The following FBXO42 variants were observed in gnomAD, a reference collection of about 807,000 sequenced individuals.
FBXO42 encodes F-box only protein 42.
A neutral mutation model predicts 71.7 loss-of-function variants in FBXO42; 12 were observed. That is an observed-to-expected ratio of 0.17 (90% CI 0.11 to 0.27). The LOEUF (loss-of-function observed/expected upper bound fraction) is 0.27, where lower values mean the gene tolerates loss of function less well. Ranked by LOEUF, FBXO42 falls within the 10% of genes least tolerant of loss-of-function variation. The probability of loss-of-function intolerance (pLI) is 1.00; values close to 1 mark genes in which losing one functional copy is unlikely to be tolerated. For missense variants in FBXO42, 707 were observed against 911.9 expected, an observed-to-expected ratio of 0.78 and a Z score of 2.89; for synonymous variants, 325 against 327.5, an observed-to-expected ratio of 0.99 and a Z score of 0.08.
Position 16,305,826 on chromosome 1 carries a change from G to T in FBXO42, c.344C>A (p.Pro115Gln), listed in dbSNP as rs1227155121. 1 of 1,614,024 alleles carries T rather than the reference G, an allele frequency of 6.2e-7. No homozygotes were observed. The highest frequency in any genetic ancestry group is 8.5e-7 in the Non-Finnish European group (1 of 1,179,914). ...ESRTYPYPGT[P>Q]ITQRFSHSAC... The stretch of plus-strand genomic sequence containing the variant: ...ACTGTGCGAGAAGCGCTGAGTGATT[G>T]GGGTTCCAGGATAAGGATAGGTACG... The change falls in exon 3 of 10, where the codon CCA becomes CAA. Residue 115 changes from proline to glutamine, a missense_variant. Transcript: ENST00000375592.
Position 16,251,431 on chromosome 1 carries a change from G to C in FBXO42, c.1393C>G (p.Pro465Ala), listed in dbSNP as rs2081590578. 1 of 1,614,014 alleles carries C rather than the reference G, an allele frequency of 6.2e-7. No homozygotes were observed. The highest frequency in any genetic ancestry group is 1.3e-5 in the African/African-American group (1 of 74,926). Residue 465 changes from proline to alanine, a missense_variant, in exon 10 of 10, where the codon CCA becomes GCA. Around this residue, in one of 5 missense-constraint regions of FBXO42, gnomAD observed 482 missense variants for 587.1 expected, o/e 0.82. Coordinates refer to ENST00000375592, the MANE Select transcript of FBXO42 (RefSeq NM_018994.3). The surrounding 1 kb of genome is among the most constrained non-coding windows in gnomAD (Gnocchi z 4.5). ...SLDSPVQAIS[P>A]STPSAPEGYD... ...CCTTCAGGAGCAGATGGAGTACTTG[G>C]AGATATGGCCTGTACAGGACTGTCC... is the stretch of plus-strand genomic sequence containing the variant.
chr1:16,257,134 C>A (rs569282148), intron 4 of FBXO42, among the ~76,000 whole-genome samples: 25 of 152,272 alleles, frequency 1.6e-4, no homozygotes, highest in African/African-American at 5.5e-4. Flanking sequence ...ATGAGCACCC[C>A]TTCCCATCCC....
intron 6 of FBXO42, among the ~76,000 whole-genome samples, chr1:16,254,888 T>G (rs1351356903): frequency 1.3e-5 from 2 of 152,232 alleles, no homozygotes; most frequent in Admixed American, 6.5e-5. Flanking sequence ...GACACAGTTT[T>G]CCTGTTCCTA....
chr1:16,342,120 G>C (rs191046716), intron 1 of FBXO42, among the ~76,000 whole-genome samples: 1 of 151,758 alleles, frequency 6.6e-6, no homozygotes. Context: ...CTACAGGCCA[G>C]GTGCAGTGGC....
intron 1 of FBXO42, among the ~76,000 whole-genome samples, chr1:16,330,738 T>G (rs1385949301): frequency 6.6e-6 from 1 of 151,530 alleles, no homozygotes; most frequent in African/African-American, 2.4e-5. Context: ...GTCAGGAGTT[T>G]GAGACCAGCC....
At chr1:16,258,358 T>C (rs1057430101) in intron 4 of FBXO42, among the ~76,000 whole-genome samples, 7 of 138,448 alleles carry the variant, frequency 5.1e-5, no homozygotes, top group African/African-American at 1.6e-4. Context: ...TTTCATTTCT[T>C]CTTCCTTTTT....
rs34752325 is a variant in FBXO42, at chr1:16,326,014, T to TTGTGTGTGTGTGTGTGTGTGTG, written c.-17-10601_-17-10580dup. ...TAAAATGGAACTTCAGTGCCCAAAT[T>TTGTGTGTGTGTGTGTGTGTGTG]TGTGTGTGTGTGTGTGTGTGTGTGT... On this transcript the variant is annotated intron_variant, in intron 1 of 9. Transcript: ENST00000375592. 4.5e-3 allele frequency among the ~76,000 whole-genome samples: 612 copies of TTGTGTGTGTGTGTGTGTGTGTG among 137,500 alleles called. 7 individuals are homozygous for TTGTGTGTGTGTGTGTGTGTGTG. Among genetic ancestry groups the TTGTGTGTGTGTGTGTGTGTGTG allele is most frequent in the Non-Finnish European group, 6.3e-3 (394 of 62,732 alleles). The allele number at this position is 137,500 out of a possible 152,430, so 90.2% of individuals were successfully genotyped here.
At position 16,325,796 on chromosome 1, in the gene FBXO42, T is replaced by C. The variant is rs143990231; in HGVS notation, c.-17-10361A>G. Among the ~76,000 whole-genome samples, 18 of 152,012 alleles carry C rather than the reference T, an allele frequency of 1.2e-4. No individual in the cohort carries two copies. In the East Asian group the frequency reaches 3.5e-3, roughly 30 times the overall value. ...ATGCGTCACCACGCCCAACTAATTT[T>C]TGTATTTTTAGTAAAGACAGGGTTT... On this transcript the variant is annotated intron_variant, in intron 1 of 9. Coordinates refer to ENST00000375592, the MANE Select transcript of FBXO42 (RefSeq NM_018994.3).
intron 1 of FBXO42, among the ~76,000 whole-genome samples, chr1:16,325,648 T>C (rs1315805942): frequency 2.0e-5 from 3 of 151,968 alleles, no homozygotes; most frequent in Admixed American, 1.3e-4. Context: ...CCCATCAATA[T>C]ACTTTCTTTT....
chr1:16,291,282 A>AT (rs1272025203), intron 4 of FBXO42, among the ~76,000 whole-genome samples: 1 of 152,124 alleles, frequency 6.6e-6, no homozygotes, highest in Non-Finnish European at 1.5e-5. Context: ...TTAGGAAGTG[A>AT]TTTTGATTAG....
chr1:16,343,067 T>G lies in FBXO42; in HGVS notation c.-18+9188A>C, dbSNP rs192658747. 3.1e-3 allele frequency among the ~76,000 whole-genome samples: 467 copies of G among 152,240 alleles called. 6 individuals carry two copies. Among genetic ancestry groups the G allele is most frequent in the African/African-American group, 0.011 (440 of 41,548 alleles). On this transcript the variant is annotated intron_variant, in intron 1 of 9. Transcript: ENST00000375592. ...TCTTTTCTTTATATAATAAATTACT[T>G]AATCTCAGGTATTCTTTACAGAAAC...
chr1:16,304,685 A>C (rs2082231398), intron 3 of FBXO42, among the ~76,000 whole-genome samples: 1 of 151,894 alleles, frequency 6.6e-6, no homozygotes, highest in Non-Finnish European at 1.5e-5. Flanking sequence ...GAAAAAGCAG[A>C]GGGCTGGGCG....
chr1:16,288,463 A>G (rs1295296842), intron 4 of FBXO42, among the ~76,000 whole-genome samples: 1 of 150,776 alleles, frequency 6.6e-6, no homozygotes, highest in Admixed American at 6.6e-5. Context: ...AATAATAATA[A>G]TAATAATAAA....
chr1:16,264,235 A>G (rs1332356993), intron 4 of FBXO42, among the ~76,000 whole-genome samples: 1 of 152,228 alleles, frequency 6.6e-6, no homozygotes, highest in Non-Finnish European at 1.5e-5. Context: ...GGTTTAATAC[A>G]TTTTTATTAA....
chr1:16,334,439 AAC>A (rs1300209272), intron 1 of FBXO42, among the ~76,000 whole-genome samples: 10 of 151,786 alleles, frequency 6.6e-5, no homozygotes, highest in African/African-American at 1.9e-4. Context: ...AAAAAAAAAA[AAC>A]AGACTGATTC....
chr1:16,281,772 T>G (rs914890256), intron 4 of FBXO42, among the ~76,000 whole-genome samples: 4 of 151,856 alleles, frequency 2.6e-5, no homozygotes, highest in African/African-American at 7.3e-5. Flanking sequence ...TTCTCCTGCC[T>G]CAGCCTCCTG....
chr1:16,303,196 T>C (rs1203032416), intron 3 of FBXO42, among the ~76,000 whole-genome samples: 1 of 152,150 alleles, frequency 6.6e-6, no homozygotes, highest in African/African-American at 2.4e-5. Flanking sequence ...AGCCAGGTCC[T>C]TGAAAGGCAG....
intron 2 of FBXO42, among the ~76,000 whole-genome samples, chr1:16,311,350 T>G (rs548169779): frequency 2.0e-5 from 3 of 150,376 alleles, no homozygotes; most frequent in Non-Finnish European, 4.4e-5. Context: ...TAGCTGGGTG[T>G]GGTGGTACAC....
At chr1:16,331,076 C>T (rs935034100) in intron 1 of FBXO42, among the ~76,000 whole-genome samples, 4 of 149,644 alleles carry the variant, frequency 2.7e-5, no homozygotes, top group African/African-American at 7.4e-5. Flanking sequence ...GCCAAGACAG[C>T]GCCACTGTAC....
Sources: gnomAD v4.1 joint callset for allele counts (sites outside exome capture counted in the v4.1 genomes callset) on GRCh38, gnomAD v4.1.1 for gene constraint, gnomAD v4.1.1 regional missense constraint, Gnocchi (gnomAD v3.1) non-coding constraint, MANE v1.5 for transcripts, NCBI Gene and HGNC (gene_info 2026-07-23, HGNC 2026-07-21) for gene names.